SAXO1: variants seen among roughly 807,000 people sequenced by gnomAD.
SAXO1 encodes 4930500O09Rik.
SAXO1 carries 21 observed loss-of-function variants against 17.5 expected under a neutral mutation model. The ratio of observed to expected loss-of-function variants is 1.20; its 90% CI spans 0.85 to 1.72. The LOEUF (loss-of-function observed/expected upper bound fraction) is 1.72. Ranked by LOEUF, SAXO1 falls within the 40% of genes most tolerant of loss-of-function variation. SAXO1 has a pLI of 0.00. For missense variants in SAXO1, 843 were observed against 596.0 expected (o/e 1.41, Z -4.32); for synonymous variants, 274 against 216.5 (o/e 1.27, Z -2.33).
chr9:18,955,580 G>A (rs147449757), intron 1 of SAXO1, among the ~76,000 whole-genome samples: 96 of 152,284 alleles, frequency 6.3e-4, no homozygotes, highest in African/African-American at 1.9e-3. Context: ...TACAATATCC[G>A]TCTCTTTCTT....
intron 1 of SAXO1, among the ~76,000 whole-genome samples, chr9:19,000,878 C>T (rs746744561): frequency 4.6e-5 from 7 of 152,106 alleles, no homozygotes; most frequent in Admixed American, 6.5e-5. Context: ...AATTCAACAA[C>T]AGCAGCTAAC....
chr9:19,021,812 G>C (rs975380034), intron 1 of SAXO1, among the ~76,000 whole-genome samples: 1 of 144,010 alleles, frequency 6.9e-6, no homozygotes, highest in Non-Finnish European at 1.6e-5. Flanking sequence ...CTAAAGCATT[G>C]TAAACGCACC....
intron 1 of SAXO1, among the ~76,000 whole-genome samples, chr9:19,021,098 A>AC (rs1376232230): frequency 1.3e-5 from 2 of 151,928 alleles, no homozygotes; most frequent in Non-Finnish European, 2.9e-5. Context: ...ATGTGACCTC[A>AC]CCCCTCCTGA....
At chr9:18,956,422 A>G (rs1032014423) in intron 1 of SAXO1, among the ~76,000 whole-genome samples, 4 of 152,162 alleles carry the variant, frequency 2.6e-5, no homozygotes, top group Admixed American at 1.3e-4. Flanking sequence ...TAATCTATAA[A>G]AAGGACAGCA....
chr9:19,022,265 G>T (rs1177501679), intron 1 of SAXO1, among the ~76,000 whole-genome samples: 1 of 152,168 alleles, frequency 6.6e-6, no homozygotes, highest in African/African-American at 2.4e-5. Context: ...AGAAACTCTG[G>T]ACACATCTGA....
At chr9:19,031,284 G>A (rs904780058) in intron 1 of SAXO1, among the ~76,000 whole-genome samples, 5 of 152,230 alleles carry the variant, frequency 3.3e-5, no homozygotes, top group African/African-American at 9.6e-5. Flanking sequence ...GTAGAAAGAA[G>A]GCCTTAGTGG....
chr9:18,943,872 C>G (rs1410406850), intron 2 of SAXO1, among the ~76,000 whole-genome samples: 2 of 152,220 alleles, frequency 1.3e-5, no homozygotes, highest in Non-Finnish European at 2.9e-5. Context: ...CTCTCAGGGA[C>G]CCTGCACACA....
At chr9:19,009,495 G>A (rs138338881) in intron 1 of SAXO1, among the ~76,000 whole-genome samples, 1 of 152,314 alleles carries the variant, frequency 6.6e-6, no homozygotes, top group Non-Finnish European at 1.5e-5. Flanking sequence ...TGGCAAAAAG[G>A]GGGAAGCTGC....
chr9:18,929,828 A>C (rs886721413), intron 3 of SAXO1, among the ~76,000 whole-genome samples: 2 of 152,232 alleles, frequency 1.3e-5, no homozygotes, highest in Non-Finnish European at 2.9e-5. Context: ...GCACAAATGC[A>C]AATTCAGACC....
chr9:19,026,955 A>G, intron 1 of SAXO1: 1 of 884,008 alleles, frequency 1.1e-6, no homozygotes, highest in Non-Finnish European at 1.9e-6. Context: ...CAACATGTCC[A>G]CGGAGGAGAT....
At chr9:19,004,021 A>G (rs1311938960) in intron 1 of SAXO1, among the ~76,000 whole-genome samples, 2 of 152,246 alleles carry the variant, frequency 1.3e-5, no homozygotes, top group East Asian at 1.9e-4. Context: ...CAGAATCCAC[A>G]AAGAACTTAA....
intron 1 of SAXO1, among the ~76,000 whole-genome samples, chr9:18,995,987 G>A (rs998206722): frequency 6.6e-6 from 1 of 151,250 alleles, no homozygotes; most frequent in Non-Finnish European, 1.5e-5. Flanking sequence ...GCTGGGGCAG[G>A]AGAATCGCTT....
chr9:18,957,454 A>G lies in SAXO1; in HGVS notation c.39-6517T>C, dbSNP rs535687760. On this transcript the variant is annotated intron_variant, in intron 1 of 3. Transcript: ENST00000380534. ...ACGCCAGGGCCCAATCACCTCCCAC[A>G]TACCTGACCTCCACTTACAATCCAA... Among the ~76,000 whole-genome samples the G allele has an allele frequency of 7.2e-5, 11 of 152,252 alleles. No homozygotes were observed. In the South Asian group the frequency reaches 2.3e-3, roughly 32 times the overall value.
chr9:18,978,653 G>T (rs1381582956), intron 1 of SAXO1, among the ~76,000 whole-genome samples: 2 of 152,170 alleles, frequency 1.3e-5, no homozygotes, highest in Non-Finnish European at 2.9e-5. Context: ...ATAATTGCCC[G>T]TTATTGCATT....
At chr9:18,985,301 C>T (rs4977482) in intron 1 of SAXO1, among the ~76,000 whole-genome samples, 124,977 of 152,048 alleles carry the variant, frequency 0.82, 51,606 homozygotes, top group African/African-American at 0.88. Flanking sequence ...AAGCTTGAAA[C>T]AGTGTGAGAA....
intron 1 of SAXO1, among the ~76,000 whole-genome samples, chr9:19,001,221 A>T (rs1017829009): frequency 4.6e-5 from 7 of 152,248 alleles, no homozygotes; most frequent in African/African-American, 1.7e-4. Context: ...GTAAAAGAAC[A>T]GAAATCACAA....
At chr9:19,013,089 CA>C (rs1690525141) in intron 1 of SAXO1, among the ~76,000 whole-genome samples, 1 of 152,066 alleles carries the variant, frequency 6.6e-6, no homozygotes, top group Middle Eastern at 3.2e-3. Flanking sequence ...CATGCCTTTT[CA>C]TCAAACTGGC....
In SAXO1 at chr9:19,007,649, T is replaced by G. The variant is rs114939117; in HGVS notation, c.38+25222A>C. Among the ~76,000 whole-genome samples, 589 of 152,314 alleles carry G rather than the reference T, an allele frequency of 3.9e-3. 4 individuals carry two copies. The highest frequency in any genetic ancestry group is 0.014 in the Middle Eastern group (4 of 294). On this transcript the variant is annotated intron_variant, in intron 1 of 3. Transcript: ENST00000380534. ...TCATTTCTACAATCACCATCTAAAA[T>G]CAGGAGTCAACAAACTATGGCCTTA...
intron 1 of SAXO1, among the ~76,000 whole-genome samples, chr9:18,965,696 C>G (rs1474796085): frequency 6.6e-6 from 1 of 152,056 alleles, no homozygotes; most frequent in Non-Finnish European, 1.5e-5. Context: ...TTGACTCTAT[C>G]CAATTTGCCA....
Sources: allele counts gnomAD v4.1 joint callset (sites outside exome capture counted in the v4.1 genomes callset), GRCh38; gene constraint gnomAD v4.1.1; transcripts MANE v1.5; gene names NCBI Gene and HGNC (gene_info 2026-07-23, HGNC 2026-07-21).